The following GRIN2B variants were observed in gnomAD, a reference collection of about 807,000 sequenced individuals.
GRIN2B encodes glutamate receptor ionotropic, NMDA 2B.
A neutral mutation model predicts 114.5 loss-of-function variants in GRIN2B; 5 were observed. That is an observed-to-expected ratio of 0.04 (90% CI 0.02 to 0.09). GRIN2B has a LOEUF of 0.09. Among genes scored for constraint, GRIN2B ranks in the 10% least tolerant of loss-of-function variants. The probability of loss-of-function intolerance (pLI) is 1.00; values close to 1 mark genes in which losing one functional copy is unlikely to be tolerated. For missense variants in GRIN2B, 1,108 were observed against 1,943.5 expected (o/e 0.57, Z 8.08); for synonymous variants, 787 against 745.1 (o/e 1.06, Z -0.92).
chr12:13,771,671 A>G (rs1365517889), intron 3 of GRIN2B, among the ~76,000 whole-genome samples: 1 of 152,254 alleles, frequency 6.6e-6, no homozygotes, highest in African/African-American at 2.4e-5. Flanking sequence ...AGTGCTCAGT[A>G]CAGTGCCTAG....
chr12:13,913,982 A>G (rs547429856), intron 2 of GRIN2B, among the ~76,000 whole-genome samples: 1 of 152,324 alleles, frequency 6.6e-6, no homozygotes, highest in East Asian at 1.9e-4. Flanking sequence ...CTGCTACATC[A>G]TCATTATTAT....
At chr12:13,697,547 G>A (rs536242804) in intron 4 of GRIN2B, among the ~76,000 whole-genome samples, 307 of 152,266 alleles carry the variant, frequency 2.0e-3, no homozygotes, top group Non-Finnish European at 3.1e-3. Flanking sequence ...CCAAAAGCAG[G>A]AACTAGAGTG....
chr12:13,870,106 A>C (rs2136752538), intron 2 of GRIN2B, among the ~76,000 whole-genome samples: 1 of 152,292 alleles, frequency 6.6e-6, no homozygotes, highest in Admixed American at 6.5e-5. Context: ...AGGAATGTTA[A>C]GAGGAACCGC....
At chr12:13,624,891 C>T (rs1412312483) in intron 5 of GRIN2B, among the ~76,000 whole-genome samples, 2 of 152,234 alleles carry the variant, frequency 1.3e-5, no homozygotes, top group African/African-American at 4.8e-5. Flanking sequence ...TGCTTATCCT[C>T]CTTCCATCTT....
intron 3 of GRIN2B, among the ~76,000 whole-genome samples, chr12:13,776,341 G>A (rs1004044218): frequency 6.6e-6 from 1 of 152,140 alleles, no homozygotes; most frequent in African/African-American, 2.4e-5. Context: ...CCTAGGTGAT[G>A]GGATGATCTG....
In GRIN2B at chr12:13,615,070, CA is replaced by C. The variant is rs761704252; in HGVS notation, c.1654+43del. On this transcript the variant is annotated intron_variant, in intron 8 of 13. Transcript: ENST00000609686. This position sits in a 1 kb window ranked among gnomAD's most constrained non-coding sequence, Gnocchi z 5.8. ...TCCTTTTTTCCTTATTTCACTTCCC[CA>C]TCCATACGTCCATTTCCTTCCACCA... 118 of 1,547,926 alleles carry C rather than the reference CA, an allele frequency of 7.6e-5. 1 individual carries two copies. In the South Asian group the frequency reaches 1.1e-3, roughly 14 times the overall value.
intron 2 of GRIN2B, among the ~76,000 whole-genome samples, chr12:13,866,807 A>G (rs1865835942): frequency 6.6e-6 from 1 of 152,220 alleles, no homozygotes; most frequent in Non-Finnish European, 1.5e-5. Flanking sequence ...AAACTACAAG[A>G]ACAACTGATA....
At chr12:13,925,547 A>T (rs1341954348) in intron 2 of GRIN2B, among the ~76,000 whole-genome samples, 1 of 152,070 alleles carries the variant, frequency 6.6e-6, no homozygotes. Context: ...CTTACACTTT[A>T]TCTCTCCCTG....
chr12:13,715,159 C>T (rs778119743), intron 4 of GRIN2B, among the ~76,000 whole-genome samples: 4 of 151,718 alleles, frequency 2.6e-5, no homozygotes, highest in Non-Finnish European at 4.4e-5. Context: ...CAAGATGAAG[C>T]CAAATTTAAA....
intron 4 of GRIN2B, among the ~76,000 whole-genome samples, chr12:13,738,294 C>T (rs1381780858): frequency 2.0e-5 from 3 of 152,206 alleles, no homozygotes; most frequent in Non-Finnish European, 4.4e-5. Flanking sequence ...CTTGTGTACT[C>T]CAAAATTTAG....
At chr12:13,808,774 T>C (rs1864670026) in intron 3 of GRIN2B, among the ~76,000 whole-genome samples, 1 of 147,472 alleles carries the variant, frequency 6.8e-6, no homozygotes, top group South Asian at 2.2e-4. Flanking sequence ...TATATATACA[T>C]ATAAAATAAA....
intron 4 of GRIN2B, among the ~76,000 whole-genome samples, chr12:13,747,438 T>C (rs1415241275): frequency 1.3e-5 from 2 of 152,216 alleles, no homozygotes; most frequent in Admixed American, 1.3e-4. Context: ...ACAATAAGCA[T>C]TGAATGTATC....
In GRIN2B at chr12:13,555,209, A is replaced by G. The variant is rs1034156303; in HGVS notation, c.*7574T>C. The G allele has an allele frequency of 6.6e-6, 1 of 152,184 alleles. No individual in the cohort carries two copies. The highest frequency in any genetic ancestry group is 1.5e-5 in the Non-Finnish European group (1 of 68,040). 9.4% of individuals were successfully genotyped at this position (152,184 alleles called of 1,614,324 possible). A position where few individuals can be genotyped will look rare whatever the true frequency, so the allele number is the denominator to read the frequency against. On this transcript the variant is annotated 3_prime_UTR_variant, in exon 14 of 14. Coordinates refer to ENST00000609686, the MANE Select transcript of GRIN2B (RefSeq NM_000834.5). ...CCAGAGAACTAAGATTAAAACCAGA[A>G]TGTATTGCCTCCCAATGGTAATTGT...
chr12:13,727,642 C>T (rs1198383670), intron 4 of GRIN2B, among the ~76,000 whole-genome samples: 1 of 152,058 alleles, frequency 6.6e-6, no homozygotes, highest in Non-Finnish European at 1.5e-5. Context: ...GTTAAAAGCA[C>T]AATGTTTTAC....
At chr12:13,570,443 T>A (rs1395918914) in intron 11 of GRIN2B, among the ~76,000 whole-genome samples, 3 of 152,220 alleles carry the variant, frequency 2.0e-5, no homozygotes, top group Non-Finnish European at 4.4e-5. Context: ...GTGTAGGTGT[T>A]TGTGTTTCAA....
At chr12:13,801,445 G>A (rs951631456) in intron 3 of GRIN2B, among the ~76,000 whole-genome samples, 1 of 152,136 alleles carries the variant, frequency 6.6e-6, no homozygotes, top group Non-Finnish European at 1.5e-5. Flanking sequence ...AGTCAAGAGA[G>A]TACATCTAGG....
rs571472967 is a variant in GRIN2B at position 13,718,264 on chromosome 12, C to T, written c.1010+35053G>A. On this transcript the variant is annotated intron_variant, in intron 4 of 13. Coordinates refer to ENST00000609686, the MANE Select transcript of GRIN2B (RefSeq NM_000834.5). ...CAAGAACATCTCAGTGGCCTGCATG[C>T]CACATACATGCTGCTCCTCTTCCTC... 4.6e-5 allele frequency among the ~76,000 whole-genome samples: 7 copies of T among 152,164 alleles called. No homozygotes were observed. The East Asian group carries it at 1.4e-3, about 30-fold the overall frequency.
chr12:13,880,102 A>T lies in GRIN2B; in HGVS notation c.-18-13876T>A, dbSNP rs547491563. On this transcript the variant is annotated intron_variant, in intron 2 of 13. Transcript: ENST00000609686. ...ACACACTCCCCAACACAGGACTGTC[A>T]GGGCCGCAGAGAGGGCTAAGGCAGT... Among the ~76,000 whole-genome samples, 24 of 152,334 alleles carry T rather than the reference A, an allele frequency of 1.6e-4. No individual in the cohort carries two copies. The South Asian group carries it at 4.4e-3, about 28-fold the overall frequency.
intron 3 of GRIN2B, among the ~76,000 whole-genome samples, chr12:13,821,980 A>G (rs1187321741): frequency 1.3e-5 from 2 of 152,182 alleles, no homozygotes; most frequent in Non-Finnish European, 2.9e-5. Flanking sequence ...CAGCCATGAA[A>G]TATGTCCTAA....
Sources: allele counts gnomAD v4.1 joint callset (sites outside exome capture counted in the v4.1 genomes callset), GRCh38; gene constraint gnomAD v4.1.1; non-coding constraint Gnocchi (gnomAD v3.1); transcripts MANE v1.5; gene names NCBI Gene and HGNC (gene_info 2026-07-23, HGNC 2026-07-21).